Variants in FRAS1 observed in about 807,000 individuals in gnomAD.
FRAS1 encodes the protein extracellular matrix organizing protein FRAS1.
Under a neutral mutation model 435.2 loss-of-function variants are expected in FRAS1, and 290 were observed. The observed-to-expected ratio is 0.67, with a 90% confidence interval of 0.61 to 0.73. FRAS1 has a LOEUF of 0.73. Among genes scored for constraint, FRAS1 ranks in the 30% least tolerant of loss-of-function variants. The pLI is 0.00. For missense variants in FRAS1, 4,860 were observed against 5,001.5 expected (o/e 0.97, Z 0.85); for synonymous variants, 1,800 against 1,851.0 (o/e 0.97, Z 0.71).
chr4:78,446,183 GA>G, intron 42 of FRAS1: 1 of 1,000,434 alleles, frequency 1.0e-6, no homozygotes. Flanking sequence ...AGACACAGGG[GA>G]GGGGAAAGAT....
At chr4:78,158,659 A>G (rs1720995009) in intron 2 of FRAS1, among the ~76,000 whole-genome samples, 1 of 152,162 alleles carries the variant, frequency 6.6e-6, no homozygotes. Context: ...TTGAAATTAT[A>G]GTGTGTGTTA....
rs763117705 is a variant in FRAS1 at position 78,479,380 on chromosome 4, C to A, written c.8105C>A (p.Ala2702Glu). ...LFAPIERKGDASSIVSAICYT... is the reference protein window; with the variant it reads ...LFAPIERKGDESSIVSAICYT... ...TTTGCCATTTGTATTTCAGGAGATGCAAGCAGCATTGTATCTGCAATTTGC... is the reference window on the plus strand; with the variant it reads ...TTTGCCATTTGTATTTCAGGAGATGAAAGCAGCATTGTATCTGCAATTTGC... The change falls in exon 56 of 74, where the codon GCA (alanine) becomes GAA (glutamate). Residue 2702 changes from alanine (A) to glutamate (E), a missense_variant. Ala to Glu is a moderately radical substitution (Grantham distance 107). Transcript: ENST00000512123. 2.2e-5 allele frequency: 33 copies of A among 1,469,584 alleles called. No homozygotes were observed. The highest frequency in any genetic ancestry group is 3.0e-5 in the Non-Finnish European group (33 of 1,107,016). 91.0% of individuals were successfully genotyped at this position (1,469,584 alleles called of 1,614,324 possible).
At chr4:78,237,342 A>G (rs1724803005) in intron 2 of FRAS1, among the ~76,000 whole-genome samples, 168 bp from the exon 3 acceptor site, 1 of 152,054 alleles carries the variant, frequency 6.6e-6, no homozygotes, top group South Asian at 2.1e-4. Flanking sequence ...TACTGATTAT[A>G]TTGCCTTGTG....
chr4:78,321,363 A>T (rs1439613845), intron 18 of FRAS1, among the ~76,000 whole-genome samples: 4 of 152,230 alleles, frequency 2.6e-5, no homozygotes, highest in African/African-American at 2.4e-5. Flanking sequence ...TATCCGTGCT[A>T]TAAACCATCA....
At chr4:78,434,040 T>C (rs1734316313) in intron 38 of FRAS1, among the ~76,000 whole-genome samples, 1 of 152,144 alleles carries the variant, frequency 6.6e-6, no homozygotes, top group African/African-American at 2.4e-5. Context: ...TCTCTAAGGG[T>C]TGTAGAAGGA....
At chr4:78,475,662 A>C in intron 54 of FRAS1, 56 bp downstream of exon 54, 1 of 1,457,292 alleles carries the variant, frequency 6.9e-7, no homozygotes, top group Non-Finnish European at 9.1e-7. Context: ...ACATGGCTGC[A>C]AGCAATTGTG....
chr4:78,329,391 T>G (rs1729848825), intron 18 of FRAS1, among the ~76,000 whole-genome samples: 1 of 152,170 alleles, frequency 6.6e-6, no homozygotes. Flanking sequence ...TCTAAAGAGA[T>G]CTAAGAGATT....
In FRAS1 at chr4:78,379,577, A is replaced by G. The variant is rs1026945483; in HGVS notation, c.3293-149A>G. ...TGCTATAAACTCCAGCACACTGTTT[A>G]TGCAGTGAAATCAACTCTGTTTCTT... On this transcript the variant is annotated intron_variant, in intron 26 of 73. Coordinates refer to ENST00000512123, the MANE Select transcript of FRAS1 (RefSeq NM_025074.7). 7 of 742,358 alleles carry G rather than the reference A, an allele frequency of 9.4e-6. No homozygotes were observed. The African/African-American group carries it at 1.2e-4, about 13-fold the overall frequency. 46.0% of individuals were successfully genotyped at this position (742,358 alleles called of 1,614,324 possible).
Position 78,419,067 on chromosome 4 carries a change from A to G in FRAS1, c.4540+4A>G, listed in dbSNP as rs763204606. On this transcript the variant is annotated splice_donor_region_variant and intron_variant, in intron 33 of 73. Transcript: ENST00000512123. The stretch of plus-strand genomic sequence containing the variant: ...CTACCTCTGCATCCAAATCAAGGTA[A>G]GATGTGCAGTAAATGATCTTTTGAG... 1.4e-6 allele frequency: 2 copies of G among 1,469,170 alleles called. No individual in the cohort carries two copies. Among genetic ancestry groups the G allele is most frequent in the Non-Finnish European group, 1.9e-6 (2 of 1,077,882 alleles). The allele number at this position is 1,469,170 out of a possible 1,614,324, so 91.0% of individuals were successfully genotyped here.
At chr4:78,315,057 G>C (rs1277473086) in intron 15 of FRAS1, among the ~76,000 whole-genome samples, 1 of 152,098 alleles carries the variant, frequency 6.6e-6, no homozygotes, top group African/African-American at 2.4e-5. Flanking sequence ...TATGTTTTAG[G>C]TGGTAAATGA....
At position 78,284,520 on chromosome 4, in the gene FRAS1, T is replaced by C. The variant is rs746772122; in HGVS notation, c.1371T>C (p.Gly457=). The C allele has an allele frequency of 1.2e-6, 2 of 1,611,372 alleles. No individual in the cohort carries two copies. Among genetic ancestry groups the C allele is most frequent in the Non-Finnish European group, 1.7e-6 (2 of 1,178,816 alleles). ...GGTGTGTGCACAGCTGTGGACTGGG[T>C]TTTTACCAAGCTGGCAGTCTCTGTT... ...NGWCVHSCGL[G]FYQAGSLCLA... Residue 457 remains glycine, a synonymous_variant, in exon 13 of 74, where the codon GGT becomes GGC. Transcript: ENST00000512123.
chr4:78,284,414 A>G lies in FRAS1; in HGVS notation c.1265A>G (p.His422Arg), dbSNP rs746079903. Residue 422 changes from histidine to arginine, a missense_variant, in exon 13 of 74, where the codon CAT becomes CGT. Transcript: ENST00000512123. ...CCPDCTSVHCHPDCLTCSQSP... is the reference protein window; with the variant it reads ...CCPDCTSVHCRPDCLTCSQSP... ...TTGTCCTTGATTTCAGTTCATTGCC[A>G]TCCAGATTGTTTGACATGCTCTCAG... The G allele has an allele frequency of 3.1e-6, 5 of 1,613,796 alleles. 1 individual carries two copies. The South Asian group carries it at 5.5e-5, about 18-fold the overall frequency.
chr4:78,070,034 A>G (rs982546697), intron 2 of FRAS1, among the ~76,000 whole-genome samples: 7 of 151,908 alleles, frequency 4.6e-5, no homozygotes, highest in African/African-American at 1.7e-4. Flanking sequence ...CGCAACTGCC[A>G]TGCAGTTGTC....
intron 15 of FRAS1, among the ~76,000 whole-genome samples, chr4:78,312,278 G>A (rs578063839): frequency 4.0e-5 from 6 of 149,782 alleles, no homozygotes; most frequent in African/African-American, 1.5e-4. Context: ...ATTCAGCCTA[G>A]CCTTCCTTAT....
chr4:78,099,264 A>T (rs1741983915), intron 2 of FRAS1, among the ~76,000 whole-genome samples: 1 of 152,080 alleles, frequency 6.6e-6, no homozygotes, highest in Non-Finnish European at 1.5e-5. Context: ...CAGTACTTGA[A>T]GTGGATGAGA....
At chr4:78,329,466 G>A (rs951982826) in intron 18 of FRAS1, among the ~76,000 whole-genome samples, 5 of 152,118 alleles carry the variant, frequency 3.3e-5, no homozygotes, top group Non-Finnish European at 5.9e-5. Flanking sequence ...CACCACTGCC[G>A]GAATGGCATT....
chr4:78,381,034 G>A (rs1018599591), intron 27 of FRAS1, among the ~76,000 whole-genome samples: 7 of 152,190 alleles, frequency 4.6e-5, no homozygotes, highest in African/African-American at 1.7e-4. Flanking sequence ...GAGGCCTTGA[G>A]AGTATAGGTT....
At chr4:78,311,516 G>GATAGAT (rs1664056987) in intron 15 of FRAS1, among the ~76,000 whole-genome samples, 4 of 152,152 alleles carry the variant, frequency 2.6e-5, no homozygotes, top group African/African-American at 9.7e-5. Context: ...CATCACTAGA[G>GATAGAT]AGCACCAGGG....
Position 78,117,700 on chromosome 4 carries a change from C to T in FRAS1, c.108+51684C>T, listed in dbSNP as rs189745290. The stretch of plus-strand genomic sequence containing the variant: ...TCCATCAGGTCTTTTGAAGATTTCT[C>T]TGCATTGGTTATTCTAGTTAGCCAT... On this transcript the variant is annotated intron_variant, in intron 2 of 73. Coordinates refer to ENST00000512123, the MANE Select transcript of FRAS1 (RefSeq NM_025074.7). 1.5e-3 allele frequency among the ~76,000 whole-genome samples: 223 copies of T among 152,310 alleles called. 1 individual carries two copies. Among genetic ancestry groups the T allele is most frequent in the Non-Finnish European group, 2.2e-3 (149 of 68,034 alleles).
Sources: gnomAD v4.1 joint callset for allele counts (sites outside exome capture counted in the v4.1 genomes callset) on GRCh38, gnomAD v4.1.1 for gene constraint, MANE v1.5 for transcripts, NCBI Gene and HGNC (gene_info 2026-07-23, HGNC 2026-07-21) for gene names.